The following SNTG1 variants were observed in gnomAD, a reference collection of about 807,000 sequenced individuals.
SNTG1 encodes syntrophin gamma 1, also known as gamma-1-syntrophin.
SNTG1 carries 39 observed loss-of-function variants against 74.7 expected under a neutral mutation model. The ratio of observed to expected loss-of-function variants is 0.52; its 90% CI spans 0.40 to 0.68. The LOEUF (loss-of-function observed/expected upper bound fraction) is 0.68, where lower values mean the gene tolerates loss of function less well. Ranked by LOEUF, SNTG1 falls within the 30% of genes least tolerant of loss-of-function variation. The probability of loss-of-function intolerance (pLI) is 0.00; values close to 1 mark genes in which losing one functional copy is unlikely to be tolerated. For missense variants in SNTG1, 685 were observed against 609.5 expected, an observed-to-expected ratio of 1.12 and a Z score of -1.30; for synonymous variants, 254 against 217.1, an observed-to-expected ratio of 1.17 and a Z score of -1.49.
At chr8:50,588,265 C>T (rs1383312336) in intron 12 of SNTG1, among the ~76,000 whole-genome samples, 1 of 151,972 alleles carries the variant, frequency 6.6e-6, no homozygotes, top group Admixed American at 6.6e-5. Context: ...TGGAAATTAT[C>T]TTTAAAATGG....
intron 18 of SNTG1, among the ~76,000 whole-genome samples, chr8:50,786,198 C>A (rs1354538219): frequency 6.6e-6 from 1 of 151,816 alleles, no homozygotes; most frequent in Non-Finnish European, 1.5e-5. Context: ...AATCCCAATG[C>A]ACAAAAATCA....
chr8:50,657,897 T>C (rs2095193533), intron 14 of SNTG1, among the ~76,000 whole-genome samples: 2 of 152,124 alleles, frequency 1.3e-5, no homozygotes, highest in African/African-American at 4.8e-5. Flanking sequence ...TAAATATTTA[T>C]TGAATATAAA....
At chr8:50,704,962 T>C (rs944233668) in intron 16 of SNTG1, among the ~76,000 whole-genome samples, 4 of 152,230 alleles carry the variant, frequency 2.6e-5, no homozygotes, top group African/African-American at 7.2e-5. Flanking sequence ...CTTTCCAGGC[T>C]ATTTCCTACT....
chr8:50,084,646 A>G (rs1586197908), intron 1 of SNTG1, among the ~76,000 whole-genome samples: 2 of 152,170 alleles, frequency 1.3e-5, no homozygotes, highest in East Asian at 1.9e-4. Context: ...TCTCATTGCA[A>G]TATGTTACAT....
intron 12 of SNTG1, among the ~76,000 whole-genome samples, chr8:50,580,434 G>A (rs1228990589): frequency 2.0e-5 from 3 of 152,126 alleles, no homozygotes; most frequent in South Asian, 2.1e-4. Flanking sequence ...TTTGAAATGG[G>A]AAGACATGAT....
intron 11 of SNTG1, among the ~76,000 whole-genome samples, chr8:50,541,242 C>CGT (rs1355277110): frequency 3.4e-4 from 36 of 106,386 alleles, no homozygotes; most frequent in South Asian, 1.5e-3. Context: ...TAAGATTTTA[C>CGT]CTGTGTGTGT....
At chr8:50,271,736 T>C (rs950104700) in intron 2 of SNTG1, among the ~76,000 whole-genome samples, 3 of 152,138 alleles carry the variant, frequency 2.0e-5, no homozygotes, top group Non-Finnish European at 4.4e-5. Flanking sequence ...TTACTAAGAT[T>C]CTCTGGGAAT....
At chr8:50,718,618 C>T (rs1003032588) in intron 17 of SNTG1, among the ~76,000 whole-genome samples, 7 of 152,126 alleles carry the variant, frequency 4.6e-5, no homozygotes, top group African/African-American at 1.2e-4. Context: ...AGCCCTAATG[C>T]GCAATTCTAT....
At chr8:50,038,125 G>T (rs545642548) in intron 1 of SNTG1, among the ~76,000 whole-genome samples, 1 of 152,194 alleles carries the variant, frequency 6.6e-6, no homozygotes, top group Admixed American at 6.5e-5. Flanking sequence ...GTCCTGTTCT[G>T]GTCCTCCTGT....
intron 13 of SNTG1, among the ~76,000 whole-genome samples, chr8:50,616,248 T>G (rs920431777): frequency 3.3e-5 from 5 of 152,180 alleles, no homozygotes; most frequent in African/African-American, 1.2e-4. Context: ...ATTAAAAGAA[T>G]AATTAAAACA....
chr8:50,052,882 A>G (rs1819694481), intron 1 of SNTG1, among the ~76,000 whole-genome samples: 1 of 152,170 alleles, frequency 6.6e-6, no homozygotes, highest in South Asian at 2.1e-4. Flanking sequence ...TATGTCCACT[A>G]GGATGGCCAT....
chr8:50,188,324 G>T (rs1329939460), intron 2 of SNTG1, among the ~76,000 whole-genome samples: 1 of 152,050 alleles, frequency 6.6e-6, no homozygotes, highest in East Asian at 1.9e-4. Flanking sequence ...AGCCCTCTCT[G>T]CTTCCAGGCA....
intron 1 of SNTG1, among the ~76,000 whole-genome samples, chr8:50,071,308 C>T (rs1821344766): frequency 6.6e-6 from 1 of 152,144 alleles, no homozygotes; most frequent in African/African-American, 2.4e-5. Context: ...AAGCTATTCT[C>T]TTGCTTCAAC....
chr8:50,550,693 G>GTGTGTGTATATATATATA (rs1554571332), intron 11 of SNTG1, among the ~76,000 whole-genome samples: 2 of 149,028 alleles, frequency 1.3e-5, no homozygotes, highest in African/African-American at 5.0e-5. Flanking sequence ...TAGTGTGTGT[G>GTGTGTGTATATATATATA]TATATATATA....
intron 1 of SNTG1, among the ~76,000 whole-genome samples, chr8:49,973,789 T>G (rs953308362): frequency 1.1e-4 from 17 of 152,132 alleles, no homozygotes; most frequent in African/African-American, 3.6e-4. Context: ...AAAATAAAAA[T>G]GAAAACAACA....
intron 1 of SNTG1, among the ~76,000 whole-genome samples, chr8:50,140,564 G>A (rs948440027): frequency 2.6e-5 from 4 of 152,168 alleles, no homozygotes; most frequent in African/African-American, 9.6e-5. Context: ...GTTCATGTTA[G>A]TGTGTATGTG....
At chr8:50,566,985 G>T (rs986269484) in intron 12 of SNTG1, among the ~76,000 whole-genome samples, 1 of 151,994 alleles carries the variant, frequency 6.6e-6, no homozygotes, top group Non-Finnish European at 1.5e-5. Context: ...TAAATTAAAT[G>T]ATGTAATCCA....
intron 11 of SNTG1, among the ~76,000 whole-genome samples, chr8:50,544,410 C>T (rs1274176275): frequency 5.3e-5 from 8 of 151,958 alleles, no homozygotes; most frequent in Admixed American, 4.6e-4. Flanking sequence ...TATTTTTAAT[C>T]TTTCTTCTCA....
At chr8:50,286,564 T>C (rs892319674) in intron 2 of SNTG1, 2 of 152,220 alleles carry the variant, frequency 1.3e-5, no homozygotes, top group African/African-American at 4.8e-5. Flanking sequence ...TGTTACCACA[T>C]ACCTGTGTGG....
Sources: allele counts gnomAD v4.1 joint callset (sites outside exome capture counted in the v4.1 genomes callset), GRCh38; gene constraint gnomAD v4.1.1; transcripts MANE v1.5; gene names NCBI Gene and HGNC (gene_info 2026-07-23, HGNC 2026-07-21).